The following PTPRM variants were observed in gnomAD, a reference collection of about 807,000 sequenced individuals.
PTPRM encodes protein tyrosine phosphatase receptor type M.
PTPRM carries 47 observed loss-of-function variants against 186.7 expected under a neutral mutation model. The ratio of observed to expected loss-of-function variants is 0.25; its 90% CI spans 0.20 to 0.32. The LOEUF (loss-of-function observed/expected upper bound fraction) is 0.32. Ranked by LOEUF, PTPRM falls within the 10% of genes least tolerant of loss-of-function variation. PTPRM has a pLI of 1.00. For synonymous variants in PTPRM, 668 were observed against 674.9 expected, an observed-to-expected ratio of 0.99 and a Z score of 0.16; for missense variants, 1,494 against 1,865.0, an observed-to-expected ratio of 0.80 and a Z score of 3.66.
chr18:8,214,997 T>G (rs2094060150), intron 14 of PTPRM, among the ~76,000 whole-genome samples: 1 of 152,190 alleles, frequency 6.6e-6, no homozygotes, highest in South Asian at 2.1e-4. Flanking sequence ...GGACTAAGCT[T>G]GACTATCTTT....
At chr18:7,646,593 A>AT (rs1180750118) in intron 1 of PTPRM, among the ~76,000 whole-genome samples, 1 of 152,010 alleles carries the variant, frequency 6.6e-6, no homozygotes, top group African/African-American at 2.4e-5. Flanking sequence ...TATTTGTGTG[A>AT]TTTTTATTAC....
intron 22 of PTPRM, among the ~76,000 whole-genome samples, chr18:8,321,096 C>T (rs567583148): frequency 6.6e-6 from 1 of 152,258 alleles, no homozygotes; most frequent in South Asian, 2.1e-4. Context: ...ATTCTGATGG[C>T]TTTCAGAATG....
chr18:7,792,637 A>G (rs2043397278), intron 2 of PTPRM, among the ~76,000 whole-genome samples: 1 of 152,164 alleles, frequency 6.6e-6, no homozygotes, highest in Admixed American at 6.6e-5. Flanking sequence ...ATTGTATTTT[A>G]AATTAACAAA....
chr18:8,260,758 GA>G (rs1366675710), intron 19 of PTPRM, among the ~76,000 whole-genome samples: 1 of 152,184 alleles, frequency 6.6e-6, no homozygotes, highest in African/African-American at 2.4e-5. Flanking sequence ...CCTCCCTTCA[GA>G]TGCCCTTCCA....
intron 1 of PTPRM, among the ~76,000 whole-genome samples, chr18:7,705,321 A>ATCTATCTC (rs2040059508): frequency 2.8e-5 from 4 of 143,188 alleles, no homozygotes; most frequent in Admixed American, 7.0e-5. Flanking sequence ...CTATCTATCT[A>ATCTATCTC]TCTATCTGTC....
chr18:7,659,828 C>CT (rs2038937907), intron 1 of PTPRM, among the ~76,000 whole-genome samples: 1 of 152,152 alleles, frequency 6.6e-6, no homozygotes, highest in South Asian at 2.1e-4. Context: ...GGTCTGTAAA[C>CT]TTGCTTAATC....
chr18:7,748,771 T>C (rs2041068131), intron 1 of PTPRM, among the ~76,000 whole-genome samples: 1 of 152,124 alleles, frequency 6.6e-6, no homozygotes. Flanking sequence ...CTTGCCACTT[T>C]TAAACAATCT....
intron 1 of PTPRM, among the ~76,000 whole-genome samples, chr18:7,644,344 A>G (rs572771440): frequency 2.0e-5 from 3 of 152,280 alleles, no homozygotes; most frequent in Admixed American, 2.0e-4. Flanking sequence ...ATTTTAAACT[A>G]ATACACTTGA....
chr18:7,636,295 C>T (rs980914529), intron 1 of PTPRM, among the ~76,000 whole-genome samples: 1 of 152,082 alleles, frequency 6.6e-6, no homozygotes, highest in Non-Finnish European at 1.5e-5. Context: ...AGATAGCTTG[C>T]TTTTTATGGA....
At chr18:7,647,883 C>T (rs933925456) in intron 1 of PTPRM, among the ~76,000 whole-genome samples, 5 of 152,224 alleles carry the variant, frequency 3.3e-5, no homozygotes, top group Non-Finnish European at 7.3e-5. Context: ...AGGTGATGCA[C>T]ATGCTGCTGG....
intron 1 of PTPRM, among the ~76,000 whole-genome samples, chr18:7,612,414 C>T (rs2037698683): frequency 6.6e-6 from 1 of 152,130 alleles, no homozygotes; most frequent in Non-Finnish European, 1.5e-5. Context: ...TCTGGGCATT[C>T]CTCATGCCGA....
chr18:8,229,636 C>T (rs1322927212), intron 14 of PTPRM, among the ~76,000 whole-genome samples: 2 of 152,122 alleles, frequency 1.3e-5, no homozygotes, highest in African/African-American at 4.8e-5. Flanking sequence ...ATCTCAGAGT[C>T]ATGCAAGACA....
intron 1 of PTPRM, among the ~76,000 whole-genome samples, chr18:7,587,779 A>G (rs987129550): frequency 3.3e-5 from 5 of 152,196 alleles, no homozygotes; most frequent in African/African-American, 1.2e-4. Flanking sequence ...GTTAAACCTT[A>G]GAGGTGAAGA....
chr18:8,071,658 T>G (rs1371637943), intron 8 of PTPRM, among the ~76,000 whole-genome samples: 1 of 152,232 alleles, frequency 6.6e-6, no homozygotes, highest in African/African-American at 2.4e-5. Context: ...TGCTGGTCCC[T>G]GTGCCTGCTC....
At chr18:8,273,193 C>A (rs2094793392) in intron 19 of PTPRM, among the ~76,000 whole-genome samples, 1 of 152,102 alleles carries the variant, frequency 6.6e-6, no homozygotes, top group Non-Finnish European at 1.5e-5. Flanking sequence ...TATTGTGGTT[C>A]ATGATAGATT....
intron 1 of PTPRM, among the ~76,000 whole-genome samples, chr18:7,763,636 C>T (rs774839241): frequency 1.4e-4 from 22 of 152,036 alleles, no homozygotes; most frequent in South Asian, 2.1e-4. Context: ...AATATTTTAC[C>T]GACAGGATAT....
In PTPRM at chr18:8,051,589, A is replaced by G. The variant is rs113702050; in HGVS notation, c.1133-18097A>G. 1.7e-3 allele frequency among the ~76,000 whole-genome samples: 258 copies of G among 152,276 alleles called. 2 individuals carry two copies. The highest frequency in any genetic ancestry group is 6.0e-3 in the African/African-American group (250 of 41,572). On this transcript the variant is annotated intron_variant, in intron 7 of 32. Transcript: ENST00000580170. ...CTTTTGCATGTTTTTCAGGTTTATA[A>G]GATTGCATCATAGTAGTCCTGTGGG...
chr18:8,216,336 G>A (rs12955156), intron 14 of PTPRM, among the ~76,000 whole-genome samples: 40,905 of 152,088 alleles, frequency 0.27, 5,571 homozygotes, highest in Middle Eastern at 0.51. Flanking sequence ...AAGAATTTTT[G>A]TTTGAAAGGG....
chr18:7,578,079 C>A (rs185047066), intron 1 of PTPRM, among the ~76,000 whole-genome samples: 121 of 152,240 alleles, frequency 7.9e-4, no homozygotes, highest in African/African-American at 2.9e-3. Context: ...TCTCCTTCTA[C>A]CTCTAAGTAG....
Sources: allele counts gnomAD v4.1 joint callset (sites outside exome capture counted in the v4.1 genomes callset), GRCh38; gene constraint gnomAD v4.1.1; transcripts MANE v1.5; gene names NCBI Gene and HGNC (gene_info 2026-07-23, HGNC 2026-07-21).